The following SLC39A10 variants were observed in gnomAD, a reference collection of about 807,000 sequenced individuals.
SLC39A10 encodes solute carrier family 39 member 10, also known as zinc transporter ZIP10.
In SLC39A10, 13 loss-of-function variants were observed where a neutral mutation model predicts 65.1. The ratio of observed to expected loss-of-function variants is 0.20; its 90% CI spans 0.13 to 0.32. SLC39A10 has a LOEUF of 0.32. Ranked by LOEUF, SLC39A10 falls within the 10% of genes least tolerant of loss-of-function variation. The pLI is 1.00. For missense variants in SLC39A10, 831 were observed against 1,018.4 expected (o/e 0.82, Z 2.50); for synonymous variants, 321 against 342.2 (o/e 0.94, Z 0.68).
chr2:195,644,140 T>G (rs200779961), intron 2 of SLC39A10, among the ~76,000 whole-genome samples: 1 of 66,180 alleles, frequency 1.5e-5, no homozygotes, highest in Non-Finnish European at 2.8e-5. Context: ...TAAATGTACA[T>G]TCATTTTTTT....
At chr2:195,708,535 A>T in intron 4 of SLC39A10, 121 bp from the exon 5 acceptor site, 1 of 712,106 alleles carries the variant, frequency 1.4e-6, no homozygotes, top group Non-Finnish European at 2.2e-6. Context: ...CTAGGGGAGC[A>T]CTTTAAAACT....
chr2:195,689,928 G>T (rs780574942), intron 3 of SLC39A10, among the ~76,000 whole-genome samples: 22 of 152,080 alleles, frequency 1.4e-4, no homozygotes, highest in Admixed American at 5.2e-4. Context: ...TATAATCCCA[G>T]CACTTTGGGA....
chr2:195,630,109 G>A (rs1003686645), intron 2 of SLC39A10, among the ~76,000 whole-genome samples: 2 of 143,356 alleles, frequency 1.4e-5, no homozygotes, highest in Non-Finnish European at 3.0e-5. Flanking sequence ...TTATATGTGT[G>A]TGTGTGTGTG....
chr2:195,705,344 G>T (rs960351702), intron 3 of SLC39A10, among the ~76,000 whole-genome samples: 6 of 152,168 alleles, frequency 3.9e-5, no homozygotes, highest in Admixed American at 1.3e-4. Flanking sequence ...AGATACAGGG[G>T]AAGCCACAGA....
chr2:195,625,450 T>C (rs577523810), intron 2 of SLC39A10, among the ~76,000 whole-genome samples: 1 of 151,816 alleles, frequency 6.6e-6, no homozygotes, highest in South Asian at 2.1e-4. Context: ...TAATTTTTTG[T>C]ATTTTTAGTA....
At chr2:195,653,052 G>A (rs1482096334), upstream of SLC39A10, among the ~76,000 whole-genome samples, 1 of 152,078 alleles carries the variant, frequency 6.6e-6, no homozygotes, top group African/African-American at 2.4e-5. Context: ...TTGTCTTCCA[G>A]GAAACCAGTC....
chr2:195,704,884 G>A (rs904813237), intron 3 of SLC39A10, among the ~76,000 whole-genome samples: 3 of 151,974 alleles, frequency 2.0e-5, no homozygotes, highest in South Asian at 2.1e-4. Context: ...TGGAACCTCC[G>A]CTGCCCAAGC....
rs1186387474 is a variant in SLC39A10, at chr2:195,737,455, G to A, written c.*2414G>A. The A allele has an allele frequency of 6.2e-6, 1 of 162,518 alleles. No homozygotes were observed. The highest frequency in any genetic ancestry group is 1.4e-5 in the Non-Finnish European group (1 of 73,736). The allele number at this position is 162,518 out of a possible 1,614,324, so 10.1% of individuals were successfully genotyped here. A position where few individuals can be genotyped will look rare whatever the true frequency, so the allele number is the denominator to read the frequency against. ...AAATACTATAGTAACTAGATGCAGT[G>A]TGAATTTTTTCCATTAACAAACAAA... On this transcript the variant is annotated 3_prime_UTR_variant, in exon 10 of 10. Coordinates refer to ENST00000359634, the MANE Select transcript of SLC39A10 (RefSeq NM_020342.3).
chr2:195,715,032 G>A (rs570250749), intron 6 of SLC39A10, among the ~76,000 whole-genome samples: 221 of 152,184 alleles, frequency 1.5e-3, no homozygotes, highest in African/African-American at 5.1e-3. Flanking sequence ...GGTTACAGGC[G>A]TGAGCCACTG....
At chr2:195,703,339 T>C (rs1691267776) in intron 3 of SLC39A10, among the ~76,000 whole-genome samples, 1 of 152,228 alleles carries the variant, frequency 6.6e-6, no homozygotes, top group South Asian at 2.1e-4. Context: ...TTCAACTCTG[T>C]CAATCAAGGC....
intron 3 of SLC39A10, among the ~76,000 whole-genome samples, chr2:195,689,854 C>A (rs1402519320): frequency 6.6e-6 from 1 of 152,082 alleles, no homozygotes; most frequent in Non-Finnish European, 1.5e-5. Context: ...GCATTATGTC[C>A]TCAAGGTTCA....
intron 9 of SLC39A10, among the ~76,000 whole-genome samples, chr2:195,732,135 C>G (rs1017713296): frequency 2.0e-5 from 3 of 152,142 alleles, no homozygotes; most frequent in Non-Finnish European, 4.4e-5. Context: ...CATATCCTGA[C>G]AGTCGCACAA....
At chr2:195,621,039 A>G (rs2105686822) in intron 2 of SLC39A10, among the ~76,000 whole-genome samples, 1 of 152,298 alleles carries the variant, frequency 6.6e-6, no homozygotes, top group Middle Eastern at 3.4e-3. Context: ...TGGATCTAAT[A>G]TTTTTCAAAT....
At position 195,735,931 on chromosome 2, in the gene SLC39A10, T is replaced by C. The variant is rs1218329508; in HGVS notation, c.*890T>C. On this transcript the variant is annotated 3_prime_UTR_variant, in exon 10 of 10. Coordinates refer to ENST00000359634, the MANE Select transcript of SLC39A10 (RefSeq NM_020342.3). ...ACGTGGTTTAAATAGTTGATTTTCCTATTTTAACAGTACCAACTAGTTAAT... is the reference window on the plus strand; with the variant it reads ...ACGTGGTTTAAATAGTTGATTTTCCCATTTTAACAGTACCAACTAGTTAAT... The C allele has an allele frequency of 6.6e-6, 1 of 152,134 alleles. No individual in the cohort carries two copies. Among genetic ancestry groups the C allele is most frequent in the Non-Finnish European group, 1.5e-5 (1 of 68,012 alleles). 9.4% of individuals were successfully genotyped at this position (152,134 alleles called of 1,614,324 possible).
At chr2:195,682,079 G>C (rs1296617634) in intron 2 of SLC39A10, among the ~76,000 whole-genome samples, 1 of 151,980 alleles carries the variant, frequency 6.6e-6, no homozygotes, top group African/African-American at 2.4e-5. Flanking sequence ...TCATACTCTT[G>C]GGTACTTACA....
intron 2 of SLC39A10, among the ~76,000 whole-genome samples, chr2:195,650,282 CAAAA>C (rs35680880): frequency 1.2e-4 from 14 of 118,248 alleles, no homozygotes; most frequent in Non-Finnish European, 1.6e-4. Context: ...ACTCCTCCTC[CAAAA>C]AAAAAAAAAA....
At chr2:195,639,127 C>T (rs1688751630) in intron 2 of SLC39A10, among the ~76,000 whole-genome samples, 1 of 151,874 alleles carries the variant, frequency 6.6e-6, no homozygotes, top group Non-Finnish European at 1.5e-5. Flanking sequence ...GGCGAATTTT[C>T]AGATTTGTAA....
intron 2 of SLC39A10, among the ~76,000 whole-genome samples, chr2:195,619,608 A>G (rs1688306678): frequency 6.6e-6 from 1 of 152,262 alleles, no homozygotes; most frequent in Non-Finnish European, 1.5e-5. Flanking sequence ...TCAAGGAAGG[A>G]AATTGCAAAT....
chr2:195,680,108 C>G lies in SLC39A10; in HGVS notation c.66C>G (p.Cys22Trp). 6.2e-7 allele frequency: 1 copy of G among 1,611,280 alleles called. No homozygotes were observed. The highest frequency in any genetic ancestry group is 8.5e-7 in the Non-Finnish European group (1 of 1,179,380). The change falls in exon 2 of 10, where the codon TGC becomes TGG. Residue 22 changes from cysteine (C) to tryptophan (W), a missense_variant. Around this residue, in one of 4 missense-constraint regions of SLC39A10, gnomAD observed 446 missense variants for 499.2 expected, o/e 0.89. Coordinates refer to ENST00000359634, the MANE Select transcript of SLC39A10 (RefSeq NM_020342.3). ...TGCTGACATTTATTTTTCATCATTGCAACCATTGCCATGAAGAACATGACC... is the reference window on the plus strand; with the variant it reads ...TGCTGACATTTATTTTTCATCATTGGAACCATTGCCATGAAGAACATGACC... ...ICLLTFIFHH[C>W]NHCHEEHDHG...
Sources: gnomAD v4.1 joint callset for allele counts (sites outside exome capture counted in the v4.1 genomes callset) on GRCh38, gnomAD v4.1.1 for gene constraint, gnomAD v4.1.1 regional missense constraint, MANE v1.5 for transcripts, NCBI Gene and HGNC (gene_info 2026-07-23, HGNC 2026-07-21) for gene names.